The following CSRNP3 variants were observed in gnomAD, a reference collection of about 807,000 sequenced individuals.
CSRNP3 encodes the protein cysteine and serine rich nuclear protein 3.
In CSRNP3, 12 loss-of-function variants were observed where a neutral mutation model predicts 48.0. The observed-to-expected ratio is 0.25, with a 90% CI of 0.16 to 0.41. The LOEUF (loss-of-function observed/expected upper bound fraction) is 0.41. CSRNP3 is among the 10% of genes least tolerant of loss of function. CSRNP3 has a pLI of 1.00. For synonymous variants in CSRNP3, 263 were observed against 269.7 expected, an observed-to-expected ratio of 0.98 and a Z score of 0.24; for missense variants, 580 against 724.4, an observed-to-expected ratio of 0.80 and a Z score of 2.29.
intron 4 of CSRNP3, among the ~76,000 whole-genome samples, chr2:165,637,229 AG>A (rs1438790945): frequency 6.6e-6 from 1 of 152,228 alleles, no homozygotes; most frequent in African/African-American, 2.4e-5. Flanking sequence ...TAACATGACT[AG>A]GCCTGTCACT....
At chr2:165,495,746 T>C (rs763455794) in intron 2 of CSRNP3, among the ~76,000 whole-genome samples, 173 of 152,130 alleles carry the variant, frequency 1.1e-3, no homozygotes, top group Non-Finnish European at 1.8e-3. Context: ...AGATGATAGG[T>C]GTAAACTTCC....
intron 2 of CSRNP3, among the ~76,000 whole-genome samples, chr2:165,507,156 G>A (rs1684437285): frequency 6.6e-6 from 1 of 151,734 alleles, no homozygotes; most frequent in African/African-American, 2.4e-5. Flanking sequence ...TAATTTTCTG[G>A]TTAATAAAAA....
chr2:165,555,552 G>T (rs980066114), intron 3 of CSRNP3, among the ~76,000 whole-genome samples: 5 of 152,118 alleles, frequency 3.3e-5, no homozygotes, highest in Non-Finnish European at 7.4e-5. Context: ...CTTCTTTTGG[G>T]CCTGTTTGCC....
chr2:165,545,772 T>G (rs182853937), intron 3 of CSRNP3, among the ~76,000 whole-genome samples: 2 of 152,294 alleles, frequency 1.3e-5, no homozygotes. Context: ...TATTTGTGTT[T>G]CTTAAATTTA....
intron 4 of CSRNP3, among the ~76,000 whole-genome samples, chr2:165,654,122 T>C (rs1395654882): frequency 6.6e-6 from 1 of 151,912 alleles, no homozygotes; most frequent in Non-Finnish European, 1.5e-5. Context: ...TTTTATGATA[T>C]CAAGAGCAAA....
intron 3 of CSRNP3, 38 bp downstream of exon 3, chr2:165,517,999 A>G (rs1400361534): frequency 6.6e-6 from 1 of 152,386 alleles, no homozygotes; most frequent in Non-Finnish European, 1.5e-5. Flanking sequence ...ATGCTTTTAC[A>G]GATTTGGGAT....
At chr2:165,671,676 C>G (rs1687333658) in intron 5 of CSRNP3, among the ~76,000 whole-genome samples, 1 of 152,174 alleles carries the variant, frequency 6.6e-6, no homozygotes, top group African/African-American at 2.4e-5. Context: ...GACATTTTCC[C>G]CACTGTCTTG....
chr2:165,534,339 C>T (rs557728573), intron 3 of CSRNP3, among the ~76,000 whole-genome samples: 1 of 151,850 alleles, frequency 6.6e-6, no homozygotes, highest in Non-Finnish European at 1.5e-5. Flanking sequence ...GAGTTTGTGA[C>T]GTCTGCTTTA....
At chr2:165,669,499 T>C (rs1023889634) in intron 5 of CSRNP3, among the ~76,000 whole-genome samples, 2 of 152,110 alleles carry the variant, frequency 1.3e-5, no homozygotes, top group African/African-American at 4.8e-5. Context: ...TGATTTTTAT[T>C]TGGGATCCCT....
chr2:165,507,769 T>G (rs1407893003), intron 2 of CSRNP3, among the ~76,000 whole-genome samples: 3 of 152,128 alleles, frequency 2.0e-5, no homozygotes, highest in African/African-American at 7.2e-5. Context: ...TATAAATACT[T>G]ATTAGGTGCT....
At position 165,687,045 on chromosome 2, in the gene CSRNP3, T is replaced by A. The variant is rs1687641655; in HGVS notation, c.*7292T>A. ...AGTTTCCTTGGCAACACAATTCAGC[T>A]CTCTTAGGTTTTCTCACAATAAGAA... On this transcript the variant is annotated 3_prime_UTR_variant, in exon 7 of 7. Coordinates refer to ENST00000651982, the MANE Select transcript of CSRNP3 (RefSeq NM_001172173.2). 1 of 151,984 alleles carries A rather than the reference T, an allele frequency of 6.6e-6. No individual in the cohort carries two copies. Among genetic ancestry groups the A allele is most frequent in the South Asian group, 2.1e-4 (1 of 4,824 alleles). 9.4% of individuals were successfully genotyped at this position (151,984 alleles called of 1,614,324 possible).
intron 4 of CSRNP3, among the ~76,000 whole-genome samples, chr2:165,601,014 C>T (rs540832939): frequency 6.9e-4 from 105 of 152,264 alleles, no homozygotes; most frequent in Admixed American, 1.3e-3. Context: ...ATAAAAGCTT[C>T]AAAATATAAA....
At chr2:165,584,612 G>GA (rs1184159480) in intron 3 of CSRNP3, among the ~76,000 whole-genome samples, 1 of 152,124 alleles carries the variant, frequency 6.6e-6, no homozygotes, top group Non-Finnish European at 1.5e-5. Context: ...AGAAGAAAAA[G>GA]AAAAGGAAGG....
intron 1 of CSRNP3, among the ~76,000 whole-genome samples, chr2:165,490,479 C>T (rs1684188643): frequency 1.6e-5 from 2 of 128,652 alleles, no homozygotes; most frequent in South Asian, 5.4e-4. Context: ...AAAAAAGAGC[C>T]CGCATCGCCA....
At chr2:165,610,351 C>T (rs1686115934) in intron 4 of CSRNP3, among the ~76,000 whole-genome samples, 1 of 152,142 alleles carries the variant, frequency 6.6e-6, no homozygotes, top group South Asian at 2.1e-4. Flanking sequence ...GTAAGGTGTA[C>T]TGCTAATTAA....
At chr2:165,524,885 A>G (rs902883021) in intron 3 of CSRNP3, among the ~76,000 whole-genome samples, 2 of 152,206 alleles carry the variant, frequency 1.3e-5, no homozygotes, top group African/African-American at 4.8e-5. Flanking sequence ...TGAATATGCT[A>G]TAAATATCCA....
At chr2:165,643,577 T>C (rs901983495) in intron 4 of CSRNP3, among the ~76,000 whole-genome samples, 29 of 152,218 alleles carry the variant, frequency 1.9e-4, no homozygotes, top group African/African-American at 6.5e-4. Flanking sequence ...CGGAGTCTCA[T>C]GTCTTTTGCC....
rs138295151 is a variant in CSRNP3, at chr2:165,604,058, A to G, written c.148+8845A>G. Among the ~76,000 whole-genome samples the G allele has an allele frequency of 1.7e-4, 26 of 152,354 alleles. No homozygotes were observed. In the East Asian group the frequency reaches 4.1e-3, roughly 24 times the overall value. ...TGATCAGTACATGATAAGTATTTAT[A>G]TCAATGAATGAGTGAATGGATATTT... On this transcript the variant is annotated intron_variant, in intron 4 of 6. Transcript: ENST00000651982.
chr2:165,668,387 T>TTCTG (rs1687269979), intron 5 of CSRNP3, among the ~76,000 whole-genome samples: 1 of 126,920 alleles, frequency 7.9e-6, no homozygotes, highest in Non-Finnish European at 1.7e-5. Context: ...ATCATATCCT[T>TTCTG]TCTTTCTTTC....
Sources: gnomAD v4.1 joint callset for allele counts (sites outside exome capture counted in the v4.1 genomes callset) on GRCh38, gnomAD v4.1.1 for gene constraint, MANE v1.5 for transcripts, NCBI Gene and HGNC (gene_info 2026-07-23, HGNC 2026-07-21) for gene names.